The following RUVBL1 variants were observed in gnomAD, a reference collection of about 807,000 sequenced individuals.
RUVBL1 encodes RuvB like AAA ATPase 1.
RUVBL1 carries 4 observed loss-of-function variants against 52.4 expected under a neutral mutation model. The ratio of observed to expected loss-of-function variants is 0.08; its 90% CI spans 0.04 to 0.17. The LOEUF (loss-of-function observed/expected upper bound fraction) is 0.17, where lower values mean the gene tolerates loss of function less well. Among genes scored for constraint, RUVBL1 ranks in the 10% least tolerant of loss-of-function variants. The pLI is 1.00. For synonymous variants in RUVBL1, 217 were observed against 214.4 expected, an observed-to-expected ratio of 1.01 and a Z score of -0.10; for missense variants, 298 against 572.8, an observed-to-expected ratio of 0.52 and a Z score of 4.90.
At chr3:128,111,483 A>C (rs1407696645) in intron 3 of RUVBL1, among the ~76,000 whole-genome samples, 1 of 152,106 alleles carries the variant, frequency 6.6e-6, no homozygotes, top group African/African-American at 2.4e-5. Context: ...CTAACCCTTT[A>C]GGAAATCCTG....
chr3:128,116,128 G>A (rs1036962524), intron 2 of RUVBL1, among the ~76,000 whole-genome samples: 6 of 151,262 alleles, frequency 4.0e-5, no homozygotes, highest in Non-Finnish European at 5.9e-5. Context: ...CAGCCTGGGC[G>A]ACAGACTGAA....
At chr3:128,107,434 C>A (rs901407572) in intron 3 of RUVBL1, among the ~76,000 whole-genome samples, 3 of 152,228 alleles carry the variant, frequency 2.0e-5, no homozygotes, top group African/African-American at 7.2e-5. Flanking sequence ...CACCATTAAG[C>A]TACCTCCGTT....
intron 1 of RUVBL1, among the ~76,000 whole-genome samples, chr3:128,141,715 C>T (rs546172962): frequency 1.1e-4 from 16 of 152,232 alleles, no homozygotes; most frequent in African/African-American, 3.6e-4. Context: ...AGGCTGGTCT[C>T]GAACTCCTGA....
chr3:128,116,466 T>C (rs1576472085), intron 2 of RUVBL1, among the ~76,000 whole-genome samples: 1 of 151,360 alleles, frequency 6.6e-6, no homozygotes, highest in East Asian at 1.9e-4. Flanking sequence ...GAGGCAGAGA[T>C]TGCAGTGAGC....
chr3:128,088,451 A>AT (rs1942723684), intron 8 of RUVBL1, among the ~76,000 whole-genome samples: 1 of 148,632 alleles, frequency 6.7e-6, no homozygotes, highest in South Asian at 2.1e-4. Flanking sequence ...AGTATATACT[A>AT]ATTATACTCT....
chr3:128,090,181 A>G (rs1400038202), intron 8 of RUVBL1, among the ~76,000 whole-genome samples: 2 of 152,196 alleles, frequency 1.3e-5, no homozygotes, highest in Non-Finnish European at 2.9e-5. Flanking sequence ...CCACAATAAA[A>G]ACAATTCAAA....
intron 1 of RUVBL1, among the ~76,000 whole-genome samples, chr3:128,144,014 C>G (rs1180896721): frequency 6.6e-6 from 1 of 152,110 alleles, no homozygotes; most frequent in Non-Finnish European, 1.5e-5. Context: ...TGATTTGAAC[C>G]CGCGTGGAGG....
chr3:128,098,794 C>A, intron 7 of RUVBL1, 88 bp downstream of exon 7: 2 of 1,085,994 alleles, frequency 1.8e-6, no homozygotes. Flanking sequence ...TTCCTCAGGG[C>A]GACTGTGCTC....
intron 4 of RUVBL1, among the ~76,000 whole-genome samples, chr3:128,103,781 C>A (rs1021426801): frequency 2.6e-5 from 4 of 152,180 alleles, no homozygotes; most frequent in East Asian, 1.9e-4. Context: ...TACACACATA[C>A]ACACACGCAA....
chr3:128,099,039 T>A, intron 6 of RUVBL1, 94 bp from the exon 7 acceptor site: 1 of 1,050,630 alleles, frequency 9.5e-7, no homozygotes, highest in Non-Finnish European at 1.5e-6. Flanking sequence ...CAACATGGGA[T>A]CCTGAGGTAT....
At chr3:128,069,434 G>A (rs773675554) in intron 9 of RUVBL1, 1 of 1,586,562 alleles carries the variant, frequency 6.3e-7, no homozygotes, top group South Asian at 1.1e-5. Flanking sequence ...CTCACGGGGA[G>A]CTCTGTGGGT....
chr3:128,110,375 T>C (rs1031179034), intron 3 of RUVBL1, among the ~76,000 whole-genome samples: 38 of 152,066 alleles, frequency 2.5e-4, no homozygotes, highest in African/African-American at 8.0e-4. Context: ...TGTGCACCTA[T>C]AGCCCCAGCT....
At chr3:128,115,741 A>G (rs1016700411) in intron 2 of RUVBL1, among the ~76,000 whole-genome samples, 1 of 152,258 alleles carries the variant, frequency 6.6e-6, no homozygotes, top group Non-Finnish European at 1.5e-5. Context: ...AAATAATAAC[A>G]TTCAGAGCAG....
chr3:128,106,635 A>C lies in RUVBL1; in HGVS notation c.362-1711T>G, dbSNP rs79907340. Among the ~76,000 whole-genome samples, 131 of 152,340 alleles carry C rather than the reference A, an allele frequency of 8.6e-4. No homozygotes were observed. The East Asian group carries it at 0.02, about 23-fold the overall frequency. The stretch of plus-strand genomic sequence containing the variant: ...CACAGCACATAGGCAGGTAGAGTGA[A>C]TGGATGAATGAATGAAGTCACTAAG... On this transcript the variant is annotated intron_variant, in intron 3 of 10. Transcript: ENST00000322623.
chr3:128,087,886 T>C, intron 8 of RUVBL1, 78 bp from the exon 9 acceptor site: 1 of 1,017,016 alleles, frequency 9.8e-7, no homozygotes, highest in Non-Finnish European at 1.5e-6. Context: ...GATCCAACAC[T>C]CACACCACAA....
intron 2 of RUVBL1, among the ~76,000 whole-genome samples, chr3:128,115,419 G>A (rs1190385900): frequency 6.6e-6 from 1 of 152,212 alleles, no homozygotes; most frequent in Non-Finnish European, 1.5e-5. Context: ...GTCCTCAAGA[G>A]TGGAAATGCA....
At chr3:128,119,728 T>A (rs1943601301) in intron 1 of RUVBL1, among the ~76,000 whole-genome samples, 1 of 152,196 alleles carries the variant, frequency 6.6e-6, no homozygotes, top group African/African-American at 2.4e-5. Flanking sequence ...GTCTTTCTGA[T>A]GACATTTAAT....
rs1373226400 is a variant in RUVBL1 at position 128,150,666 on chromosome 3, CATATATTCTAT to C, written c.-40+2526_-40+2536del. On this transcript the variant is annotated intron_variant, in intron 1 of 9. Transcript: ENST00000464873. ...ACATATATTCTATACATATTCTATA[CATATATTCTAT>C]ATATATTCTATATATTATATATTCT... is the stretch of plus-strand genomic sequence containing the variant. 3.0e-3 allele frequency among the ~76,000 whole-genome samples: 378 copies of C among 125,524 alleles called. 4 individuals are homozygous for C. Among genetic ancestry groups the C allele is most frequent in the African/African-American group, 7.3e-3 (236 of 32,206 alleles). 82.3% of individuals were successfully genotyped at this position (125,524 alleles called of 152,430 possible). A position where few individuals can be genotyped will look rare whatever the true frequency, so the allele number is the denominator to read the frequency against.
intron 1 of RUVBL1, among the ~76,000 whole-genome samples, chr3:128,143,027 C>T (rs1944050631): frequency 1.3e-5 from 2 of 151,672 alleles, no homozygotes; most frequent in African/African-American, 4.8e-5. Context: ...ATGATCCACC[C>T]ACCTCAGCCT....
Sources: gnomAD v4.1 joint callset for allele counts (sites outside exome capture counted in the v4.1 genomes callset) on GRCh38, gnomAD v4.1.1 for gene constraint, MANE v1.5 for transcripts, NCBI Gene and HGNC (gene_info 2026-07-23, HGNC 2026-07-21) for gene names.